The following EZH2 variants were observed in gnomAD, a reference collection of about 807,000 sequenced individuals.
EZH2 encodes the protein enhancer of zeste 2 polycomb repressive complex 2 subunit, also known as histone-lysine N-methyltransferase EZH2.
A neutral mutation model predicts 98.4 loss-of-function variants in EZH2; 18 were observed. The ratio of observed to expected loss-of-function variants is 0.18; its 90% CI spans 0.13 to 0.27. EZH2 has a LOEUF of 0.27. Ranked by LOEUF, EZH2 falls within the 10% of genes least tolerant of loss-of-function variation. EZH2 has a pLI of 1.00. For synonymous variants in EZH2, 338 were observed against 312.3 expected (o/e 1.08, Z -0.87); for missense variants, 470 against 935.1 (o/e 0.50, Z 6.49).
At chr7:148,856,870 G>T (rs1563049715) in intron 1 of EZH2, among the ~76,000 whole-genome samples, 2 of 152,200 alleles carry the variant, frequency 1.3e-5, no homozygotes, top group Non-Finnish European at 2.9e-5. Flanking sequence ...AATTCCAACT[G>T]ATACATGAGT....
At chr7:148,861,803 T>TAAAAAA (rs10628711) in intron 1 of EZH2, among the ~76,000 whole-genome samples, 19 of 143,516 alleles carry the variant, frequency 1.3e-4, no homozygotes, top group African/African-American at 3.4e-4. Context: ...TTCTTTTATT[T>TAAAAAA]AAAAAAAAAA....
At chr7:148,846,332 G>T in intron 3 of EZH2, 138 bp downstream of exon 3, 1 of 840,474 alleles carries the variant, frequency 1.2e-6, no homozygotes. Context: ...GTCATTAACA[G>T]TTGCACATTA....
chr7:148,853,750 T>C (rs1487512428), intron 1 of EZH2, among the ~76,000 whole-genome samples: 1 of 152,248 alleles, frequency 6.6e-6, no homozygotes, highest in Non-Finnish European at 1.5e-5. Flanking sequence ...CTTTTGTTTC[T>C]TTTCAAGTAT....
At chr7:148,852,165 T>C (rs1396104329) in intron 1 of EZH2, among the ~76,000 whole-genome samples, 1 of 152,214 alleles carries the variant, frequency 6.6e-6, no homozygotes, top group Non-Finnish European at 1.5e-5. Context: ...AACCAGAATA[T>C]GGCAGGAGCC....
chr7:148,838,238 T>G (rs1811422998), intron 3 of EZH2, among the ~76,000 whole-genome samples: 3 of 152,008 alleles, frequency 2.0e-5, no homozygotes, highest in Admixed American at 2.0e-4. Context: ...CTGGCTAATT[T>G]TTTTATTTTT....
chr7:148,826,849 A>G (rs1479704096), intron 7 of EZH2, among the ~76,000 whole-genome samples: 1 of 152,200 alleles, frequency 6.6e-6, no homozygotes, highest in Admixed American at 6.5e-5. Context: ...GGAAAAGGAT[A>G]TTATATTAGT....
rs749258482 is a variant in EZH2, at chr7:148,846,557, C to T, written c.159G>A (p.Thr53=). 79 of 1,613,120 alleles carry T rather than the reference C, an allele frequency of 4.9e-5. No homozygotes were observed. The highest frequency in any genetic ancestry group is 1.6e-4 in the Middle Eastern group (1 of 6,084). Residue 53 remains threonine (T), a synonymous_variant, in exon 3 of 20, where the codon ACG becomes ACA. Coordinates refer to ENST00000320356, the MANE Select transcript of EZH2 (RefSeq NM_004456.5). ...GTTTCCATTCTTGGTTTAAGATTTCCGTTCTTTCCAAAATTTTCTGACGAT... is the reference window on the plus strand; with the variant it reads ...GTTTCCATTCTTGGTTTAAGATTTCTGTTCTTTCCAAAATTTTCTGACGAT... ...SSNRQKILER[T]EILNQEWKQR... is the part of the protein sequence containing the mutation.
At chr7:148,842,711 T>C (rs1228881416) in intron 3 of EZH2, among the ~76,000 whole-genome samples, 1 of 151,954 alleles carries the variant, frequency 6.6e-6, no homozygotes, top group Non-Finnish European at 1.5e-5. Context: ...CTATGAACAA[T>C]AATGCTTAGG....
chr7:148,826,068 C>T (rs1002135990), intron 8 of EZH2, among the ~76,000 whole-genome samples: 2 of 152,174 alleles, frequency 1.3e-5, no homozygotes, highest in Non-Finnish European at 2.9e-5. Flanking sequence ...ATTAAATCGA[C>T]AAGCACTTAC....
intron 1 of EZH2, among the ~76,000 whole-genome samples, chr7:148,883,846 G>A (rs1469505360): frequency 2.0e-5 from 3 of 151,628 alleles, no homozygotes; most frequent in Non-Finnish European, 2.9e-5. Context: ...CCCCGACCCC[G>A]GCCCCGGCGC....
At chr7:148,820,322 G>A (rs553403772) in intron 8 of EZH2, among the ~76,000 whole-genome samples, 10 of 152,096 alleles carry the variant, frequency 6.6e-5, no homozygotes, top group Non-Finnish European at 1.3e-4. Context: ...ATTCAAATGC[G>A]GGTACACTGC....
chr7:148,826,827 CAA>C (rs1386631484), intron 7 of EZH2, among the ~76,000 whole-genome samples, 195 bp from the exon 8 acceptor site: 5 of 152,102 alleles, frequency 3.3e-5, no homozygotes, highest in Non-Finnish European at 7.3e-5. Flanking sequence ...CGATATGATT[CAA>C]ATATATCATG....
At chr7:148,840,886 T>C (rs980832799) in intron 3 of EZH2, among the ~76,000 whole-genome samples, 2 of 152,148 alleles carry the variant, frequency 1.3e-5, no homozygotes, top group African/African-American at 4.8e-5. Flanking sequence ...AGCACTTTTG[T>C]TTGTTTGGAT....
chr7:148,824,969 C>T (rs1193475523), intron 8 of EZH2, among the ~76,000 whole-genome samples: 1 of 143,592 alleles, frequency 7.0e-6, no homozygotes, highest in Non-Finnish European at 1.5e-5. Context: ...TTCAAGTTAA[C>T]AAAAAAAAAA....
chr7:148,870,561 G>A (rs904105671), intron 1 of EZH2, among the ~76,000 whole-genome samples: 1 of 151,862 alleles, frequency 6.6e-6, no homozygotes, highest in Non-Finnish European at 1.5e-5. Context: ...AAATTAGCTA[G>A]GGGTGGTGGT....
At chr7:148,852,009 G>A (rs1191214111) in intron 1 of EZH2, among the ~76,000 whole-genome samples, 1 of 152,148 alleles carries the variant, frequency 6.6e-6, no homozygotes, top group Non-Finnish European at 1.5e-5. Context: ...TAGTTTCATA[G>A]GTGAAATCCC....
chr7:148,838,819 A>G lies in EZH2; in HGVS notation c.247-6069T>C, dbSNP rs575042750. On this transcript the variant is annotated intron_variant, in intron 3 of 19. Coordinates refer to ENST00000320356, the MANE Select transcript of EZH2 (RefSeq NM_004456.5). Reference sequence around the variant, plus strand: ...TGTAATCCCAGCACTTTGGGAGGCCAAGGTGGGCGGATCACTTGAGGTCAG... The same window carrying G: ...TGTAATCCCAGCACTTTGGGAGGCCGAGGTGGGCGGATCACTTGAGGTCAG... Among the ~76,000 whole-genome samples, 4 of 152,232 alleles carry G rather than the reference A, an allele frequency of 2.6e-5. No homozygotes were observed. The South Asian group carries it at 6.2e-4, about 24-fold the overall frequency.
At chr7:148,839,705 C>T (rs1395764218) in intron 3 of EZH2, among the ~76,000 whole-genome samples, 1 of 152,016 alleles carries the variant, frequency 6.6e-6, no homozygotes, top group Admixed American at 6.6e-5. Flanking sequence ...CCACCATGCC[C>T]AGCTAATTTT....
intron 1 of EZH2, among the ~76,000 whole-genome samples, chr7:148,858,053 G>A (rs1817100146): frequency 6.6e-6 from 1 of 151,668 alleles, no homozygotes; most frequent in Non-Finnish European, 1.5e-5. Context: ...AGCACTTTGG[G>A]AGGCCAAGGC....
Sources: allele counts gnomAD v4.1 joint callset (sites outside exome capture counted in the v4.1 genomes callset), GRCh38; gene constraint gnomAD v4.1.1; transcripts MANE v1.5; gene names NCBI Gene and HGNC (gene_info 2026-07-23, HGNC 2026-07-21).